Variants in SNX9 observed in about 807,000 individuals in gnomAD.
SNX9 encodes the protein sorting nexin 9, also known as sorting nexin-9.
SNX9 carries 44 observed loss-of-function variants against 89.4 expected under a neutral mutation model. The observed-to-expected ratio is 0.49, with a 90% CI of 0.39 to 0.63. The LOEUF is 0.63. Among genes scored for constraint, SNX9 ranks in the 30% least tolerant of loss-of-function variants. The probability of loss-of-function intolerance (pLI) is 0.00; values close to 1 mark genes in which losing one functional copy is unlikely to be tolerated. For synonymous variants in SNX9, 236 were observed against 247.8 expected (o/e 0.95, Z 0.45); for missense variants, 578 against 736.1 (o/e 0.79, Z 2.49).
At chr6:157,935,067 TTAATC>T (rs2115214095) in intron 13 of SNX9, among the ~76,000 whole-genome samples, 2 of 152,348 alleles carry the variant, frequency 1.3e-5, no homozygotes, top group East Asian at 3.9e-4. Flanking sequence ...TTTTAAGAAA[TTAATC>T]TCAGTTACTT....
At chr6:157,918,872 TC>T (rs766049097) in intron 9 of SNX9, among the ~76,000 whole-genome samples, 14 of 152,030 alleles carry the variant, frequency 9.2e-5, no homozygotes, top group Admixed American at 5.2e-4. Flanking sequence ...ATAGCTTTAT[TC>T]CCTTCCCTCA....
At chr6:157,844,498 C>T (rs1230570755) in intron 1 of SNX9, among the ~76,000 whole-genome samples, 2 of 151,906 alleles carry the variant, frequency 1.3e-5, no homozygotes, top group Non-Finnish European at 2.9e-5. Context: ...AAGCACTGAT[C>T]TTAGGAGCAG....
At chr6:157,920,299 A>G (rs1041197843) in intron 9 of SNX9, among the ~76,000 whole-genome samples, 15 of 152,184 alleles carry the variant, frequency 9.9e-5, no homozygotes, top group African/African-American at 2.9e-4. Flanking sequence ...TGGAATATGC[A>G]TGGTTCAACC....
chr6:157,860,321 G>C (rs1782095703), intron 1 of SNX9, among the ~76,000 whole-genome samples: 1 of 152,192 alleles, frequency 6.6e-6, no homozygotes, highest in Non-Finnish European at 1.5e-5. Context: ...CAGGAGAATT[G>C]CTTGAGCCCA....
chr6:157,859,366 C>T (rs1424530566), intron 1 of SNX9, among the ~76,000 whole-genome samples: 2 of 152,156 alleles, frequency 1.3e-5, no homozygotes, highest in African/African-American at 4.8e-5. Flanking sequence ...TGCCCTGTTC[C>T]ATAAGTTACC....
intron 4 of SNX9, among the ~76,000 whole-genome samples, chr6:157,875,839 A>G (rs1782506982): frequency 6.6e-6 from 1 of 152,218 alleles, no homozygotes; most frequent in Non-Finnish European, 1.5e-5. Flanking sequence ...TTGAGAAGAC[A>G]GGTATCAAAA....
intron 1 of SNX9, among the ~76,000 whole-genome samples, chr6:157,863,878 A>G (rs150403625): frequency 1.2e-3 from 186 of 152,346 alleles, no homozygotes; most frequent in African/African-American, 4.0e-3. Flanking sequence ...TTGACATGTT[A>G]TACTTATTTG....
chr6:157,882,764 T>G (rs1782652354), intron 4 of SNX9, among the ~76,000 whole-genome samples: 1 of 152,318 alleles, frequency 6.6e-6, no homozygotes, highest in African/African-American at 2.4e-5. Flanking sequence ...TGATAAAACT[T>G]GAACAGATGA....
intron 17 of SNX9, among the ~76,000 whole-genome samples, chr6:157,941,955 A>G (rs1458887378): frequency 6.6e-6 from 1 of 152,196 alleles, no homozygotes; most frequent in African/African-American, 2.4e-5. Flanking sequence ...CTTTCATTGT[A>G]TATTAGAATA....
At chr6:157,894,183 C>T (rs1178378075) in intron 4 of SNX9, among the ~76,000 whole-genome samples, 1 of 137,780 alleles carries the variant, frequency 7.3e-6, no homozygotes, top group East Asian at 2.1e-4. Context: ...GATCTCAGCT[C>T]ATTGCAATCT....
intron 1 of SNX9, among the ~76,000 whole-genome samples, chr6:157,837,420 A>T (rs149221436): frequency 1.1e-3 from 168 of 152,374 alleles, no homozygotes; most frequent in African/African-American, 3.9e-3. Context: ...TAATGAAAAT[A>T]ACTTTTAATT....
At chr6:157,867,927 T>G (rs377016493) in intron 2 of SNX9, among the ~76,000 whole-genome samples, 8 of 152,338 alleles carry the variant, frequency 5.3e-5, no homozygotes, top group African/African-American at 1.9e-4. Flanking sequence ...TCGATATGTT[T>G]ATCTTACAAT....
At chr6:157,872,570 C>CTT (rs1782434650) in intron 2 of SNX9, 1 of 152,458 alleles carries the variant, frequency 6.6e-6, no homozygotes, top group Non-Finnish European at 1.5e-5. Context: ...GGTTGGCTGG[C>CTT]TTTGAATGGG....
At chr6:157,862,708 A>G (rs141041523) in intron 1 of SNX9, among the ~76,000 whole-genome samples, 1 of 151,896 alleles carries the variant, frequency 6.6e-6, no homozygotes, top group African/African-American at 2.4e-5. Context: ...TCCTATTTTG[A>G]ACTGTTTTAT....
At chr6:157,875,247 G>T in intron 4 of SNX9, 71 bp downstream of exon 4, 1 of 1,540,194 alleles carries the variant, frequency 6.5e-7, no homozygotes, top group Non-Finnish European at 8.8e-7. Flanking sequence ...GAAGGCTTGT[G>T]ATGCATTATA....
intron 12 of SNX9, among the ~76,000 whole-genome samples, chr6:157,930,723 A>T (rs192113212): frequency 6.6e-6 from 1 of 151,990 alleles, no homozygotes; most frequent in South Asian, 2.1e-4. Flanking sequence ...CCCCCGACCC[A>T]CTGTCTATCT....
chr6:157,902,492 CCT>C (rs146235098), intron 6 of SNX9, among the ~76,000 whole-genome samples: 1,743 of 152,178 alleles, frequency 0.011, 42 homozygotes, highest in African/African-American at 0.04. Flanking sequence ...ACATAAAACC[CCT>C]GTTTTACTGC....
At chr6:157,942,604 C>T (rs973017111) in intron 17 of SNX9, among the ~76,000 whole-genome samples, 187 bp from the exon 18 acceptor site, 10 of 152,222 alleles carry the variant, frequency 6.6e-5, no homozygotes, top group Admixed American at 4.6e-4. Context: ...CGGGCCCCAG[C>T]GCTGCCGGTG....
chr6:157,931,090 G>C (rs569073648), intron 12 of SNX9, among the ~76,000 whole-genome samples: 1 of 152,174 alleles, frequency 6.6e-6, no homozygotes, highest in African/African-American at 2.4e-5. Flanking sequence ...GCTCTTTTGT[G>C]GGGTGGGGAA....
Sources: allele counts gnomAD v4.1 joint callset (sites outside exome capture counted in the v4.1 genomes callset), GRCh38; gene constraint gnomAD v4.1.1; transcripts MANE v1.5; gene names NCBI Gene and HGNC (gene_info 2026-07-23, HGNC 2026-07-21).